ENOX1: variants seen among roughly 807,000 people sequenced by gnomAD.
ENOX1 encodes the protein candidate growth-related and time keeping constitutive hydroquinone (NADH) oxidase.
ENOX1 carries 42 observed loss-of-function variants against 82.5 expected under a neutral mutation model. The observed-to-expected ratio is 0.51, with a 90% CI of 0.40 to 0.66. The LOEUF (loss-of-function observed/expected upper bound fraction) is 0.66. Ranked by LOEUF, ENOX1 falls within the 30% of genes least tolerant of loss-of-function variation. The pLI, the probability that ENOX1 is intolerant of heterozygous loss-of-function variation, is 0.00. For synonymous variants in ENOX1, 271 were observed against 282.2 expected (o/e 0.96, Z 0.40); for missense variants, 608 against 811.6 (o/e 0.75, Z 3.05).
At chr13:43,316,985 A>T (rs2047534786) in intron 11 of ENOX1, among the ~76,000 whole-genome samples, 1 of 152,244 alleles carries the variant, frequency 6.6e-6, no homozygotes, top group African/African-American at 2.4e-5. Flanking sequence ...TTCAGTGGTC[A>T]GTGATGGACA....
intron 2 of ENOX1, among the ~76,000 whole-genome samples, chr13:43,589,647 C>T (rs2081154028): frequency 2.6e-5 from 4 of 152,122 alleles, no homozygotes; most frequent in South Asian, 2.1e-4. Context: ...AGACTATAGG[C>T]GAATGCCACT....
At chr13:43,672,951 C>A (rs2085336715) in intron 1 of ENOX1, among the ~76,000 whole-genome samples, 2 of 152,028 alleles carry the variant, frequency 1.3e-5, no homozygotes, top group South Asian at 4.2e-4. Context: ...ACAAAAAAGT[C>A]TCTTACCTCC....
intron 5 of ENOX1, among the ~76,000 whole-genome samples, chr13:43,368,170 T>C (rs1295467852): frequency 6.6e-6 from 1 of 152,228 alleles, no homozygotes; most frequent in African/African-American, 2.4e-5. Context: ...CATTTAAACC[T>C]AAGATGTGTA....
chr13:43,713,311 T>A (rs1031543826), intron 1 of ENOX1, among the ~76,000 whole-genome samples: 1 of 152,224 alleles, frequency 6.6e-6, no homozygotes, highest in African/African-American at 2.4e-5. Flanking sequence ...TGGATTCAGT[T>A]TGCCAGTATT....
intron 2 of ENOX1, among the ~76,000 whole-genome samples, chr13:43,551,897 T>G (rs2079212689): frequency 6.6e-6 from 1 of 152,210 alleles, no homozygotes; most frequent in Non-Finnish European, 1.5e-5. Context: ...TACGCAGGCC[T>G]TAATTTTTTT....
intron 2 of ENOX1, among the ~76,000 whole-genome samples, chr13:43,652,172 TTTTGGAGGGAACA>T (rs1394511389): frequency 6.6e-6 from 1 of 151,984 alleles, no homozygotes; most frequent in Non-Finnish European, 1.5e-5. Context: ...CAGGTCACTT[TTTTGGAGGGAACA>T]GGAGTCAGGG....
intron 14 of ENOX1, among the ~76,000 whole-genome samples, chr13:43,246,013 T>A (rs1437686731): frequency 6.6e-6 from 1 of 152,246 alleles, no homozygotes; most frequent in African/African-American, 2.4e-5. Flanking sequence ...TGTAGTTTAC[T>A]GCCAGAGATA....
At chr13:43,216,472 AGTGGTAT>A (rs1489010118) in intron 16 of ENOX1, among the ~76,000 whole-genome samples, 1 of 152,166 alleles carries the variant, frequency 6.6e-6, no homozygotes, top group Non-Finnish European at 1.5e-5. Flanking sequence ...TGTAGTACGG[AGTGGTAT>A]GTGGTCAAAA....
At chr13:43,750,971 G>T (rs1950278737) in intron 1 of ENOX1, among the ~76,000 whole-genome samples, 2 of 152,158 alleles carry the variant, frequency 1.3e-5, no homozygotes, top group Non-Finnish European at 1.5e-5. Flanking sequence ...GACACCTTCA[G>T]TGGCTCCCCT....
intron 2 of ENOX1, among the ~76,000 whole-genome samples, chr13:43,618,290 T>G (rs1031738227): frequency 6.6e-6 from 1 of 152,204 alleles, no homozygotes; most frequent in Non-Finnish European, 1.5e-5. Context: ...TTGATTTGCT[T>G]TTGAGTTTTG....
intron 5 of ENOX1, among the ~76,000 whole-genome samples, chr13:43,364,909 G>T (rs1413678248): frequency 4.6e-5 from 7 of 152,308 alleles, no homozygotes; most frequent in Admixed American, 2.6e-4. Context: ...TAGGCCTGGG[G>T]AATTCCAAAC....
intron 7 of ENOX1, 125 bp from the exon 8 acceptor site, chr13:43,356,277 C>T: frequency 1.3e-6 from 1 of 764,280 alleles, no homozygotes; most frequent in Non-Finnish European, 2.1e-6. Flanking sequence ...GATACATTTC[C>T]CATAGGAAGC....
intron 2 of ENOX1, among the ~76,000 whole-genome samples, chr13:43,667,165 G>C (rs2085021211): frequency 6.6e-6 from 1 of 152,124 alleles, no homozygotes; most frequent in African/African-American, 2.4e-5. Context: ...AAAAGATAAA[G>C]GCTTCATGAT....
intron 12 of ENOX1, among the ~76,000 whole-genome samples, chr13:43,283,938 A>T (rs1464095306): frequency 1.3e-5 from 2 of 152,120 alleles, no homozygotes; most frequent in Non-Finnish European, 2.9e-5. Context: ...TTGAAGCTGT[A>T]AAAATGATGT....
chr13:43,537,718 C>A (rs1028115412), intron 2 of ENOX1, among the ~76,000 whole-genome samples: 6 of 152,152 alleles, frequency 3.9e-5, no homozygotes. Context: ...AAGTACTGAA[C>A]CAGGTGGAGG....
chr13:43,532,565 G>C (rs1051300912), intron 2 of ENOX1, among the ~76,000 whole-genome samples: 6 of 152,128 alleles, frequency 3.9e-5, no homozygotes, highest in Non-Finnish European at 7.4e-5. Context: ...TTTGATTGTT[G>C]ATGTAGTATC....
intron 4 of ENOX1, 29 bp from the exon 5 acceptor site, chr13:43,412,082 A>C: frequency 6.8e-6 from 11 of 1,607,636 alleles, no homozygotes; most frequent in Non-Finnish European, 9.4e-6. Context: ...CATGATTTAG[A>C]GTCCATAGGC....
chr13:43,365,200 A>G (rs1323830125), intron 5 of ENOX1, among the ~76,000 whole-genome samples: 1 of 152,052 alleles, frequency 6.6e-6, no homozygotes, highest in East Asian at 1.9e-4. Context: ...AGAGTCTCAT[A>G]TTTGAGATGA....
intron 5 of ENOX1, among the ~76,000 whole-genome samples, chr13:43,363,134 A>G (rs1006529065): frequency 3.9e-5 from 6 of 152,200 alleles, no homozygotes; most frequent in Admixed American, 2.6e-4. Context: ...ACTGACACAC[A>G]AAAGACTTAA....
Sources: gnomAD v4.1 joint callset for allele counts (sites outside exome capture counted in the v4.1 genomes callset) on GRCh38, gnomAD v4.1.1 for gene constraint, MANE v1.5 for transcripts, NCBI Gene and HGNC (gene_info 2026-07-23, HGNC 2026-07-21) for gene names.